DTWD2: variants seen among roughly 807,000 people sequenced by gnomAD.
The protein encoded by DTWD2 is DTW motif tRNA-uridine aminocarboxypropyltransferase 2.
Under a neutral mutation model 31.8 loss-of-function variants are expected in DTWD2, and 39 were observed. The observed-to-expected ratio is 1.22, with a 90% CI of 0.95 to 1.60. The LOEUF is 1.60. Among genes scored for constraint, DTWD2 ranks in the 40% most tolerant of loss-of-function variants. DTWD2 has a pLI of 0.00. For missense variants in DTWD2, 515 were observed against 381.5 expected (o/e 1.35, Z -2.92); for synonymous variants, 180 against 142.8 (o/e 1.26, Z -1.86).
chr5:118,984,147 G>A (rs569189972), intron 1 of DTWD2, among the ~76,000 whole-genome samples: 28 of 152,328 alleles, frequency 1.8e-4, no homozygotes, highest in African/African-American at 6.3e-4. Context: ...TTAGTGAGGC[G>A]TGGTGGTGAT....
intron 2 of DTWD2, among the ~76,000 whole-genome samples, chr5:118,941,356 G>A (rs999263051): frequency 6.6e-6 from 1 of 152,116 alleles, no homozygotes; most frequent in African/African-American, 2.4e-5. Context: ...GCCCCGGTGT[G>A]TGATGTTCCC....
intron 4 of DTWD2, among the ~76,000 whole-genome samples, chr5:118,891,965 G>C (rs1752986064): frequency 6.6e-6 from 1 of 152,086 alleles, no homozygotes; most frequent in African/African-American, 2.4e-5. Flanking sequence ...AGTTATATGT[G>C]TAATGTTAAA....
chr5:118,869,048 CA>C (rs989503457), intron 4 of DTWD2, among the ~76,000 whole-genome samples: 2 of 148,516 alleles, frequency 1.3e-5, no homozygotes, highest in Non-Finnish European at 3.0e-5. Context: ...AGTTGGAGCA[CA>C]AAAAAAAGGA....
chr5:118,906,245 G>A (rs1561450081), intron 4 of DTWD2, among the ~76,000 whole-genome samples: 1 of 152,144 alleles, frequency 6.6e-6, no homozygotes, highest in Non-Finnish European at 1.5e-5. Flanking sequence ...ACTACTGGTA[G>A]GAGTGTAAAA....
chr5:118,851,297 T>A (rs1267981294), intron 4 of DTWD2, among the ~76,000 whole-genome samples: 1 of 151,962 alleles, frequency 6.6e-6, no homozygotes, highest in East Asian at 1.9e-4. Flanking sequence ...TTCTTTCTAT[T>A]TTCCTTAAAT....
At chr5:118,885,216 G>A (rs1752834484) in intron 4 of DTWD2, among the ~76,000 whole-genome samples, 1 of 151,416 alleles carries the variant, frequency 6.6e-6, no homozygotes, top group Non-Finnish European at 1.5e-5. Flanking sequence ...CATTTTGGGA[G>A]GCCCAGGTGG....
chr5:118,941,859 A>T (rs919295599), intron 2 of DTWD2, among the ~76,000 whole-genome samples: 2 of 152,122 alleles, frequency 1.3e-5, no homozygotes, highest in Admixed American at 6.5e-5. Flanking sequence ...TGACTTTTTA[A>T]TGATCGCCAT....
chr5:118,945,193 G>C (rs1335518747), intron 1 of DTWD2, among the ~76,000 whole-genome samples: 3 of 152,176 alleles, frequency 2.0e-5, no homozygotes, highest in African/African-American at 7.2e-5. Flanking sequence ...TACTAGAAGA[G>C]TATTTGCCTT....
chr5:118,881,075 T>C (rs1752729458), intron 4 of DTWD2, among the ~76,000 whole-genome samples: 1 of 152,216 alleles, frequency 6.6e-6, no homozygotes, highest in Admixed American at 6.5e-5. Flanking sequence ...CATTCTAACA[T>C]ACATCTATTT....
chr5:118,986,230 T>G (rs900738322), intron 1 of DTWD2, among the ~76,000 whole-genome samples: 14 of 152,060 alleles, frequency 9.2e-5, no homozygotes, highest in African/African-American at 3.4e-4. Flanking sequence ...GAATGGGGGA[T>G]AGGAAAGGTA....
chr5:118,854,786 T>C (rs1299241348), intron 4 of DTWD2, among the ~76,000 whole-genome samples: 1 of 152,208 alleles, frequency 6.6e-6, no homozygotes, highest in African/African-American at 2.4e-5. Flanking sequence ...ACATCATTCA[T>C]ATGTTTCTAA....
chr5:118,844,030 G>C (rs1751788256), intron 5 of DTWD2, among the ~76,000 whole-genome samples: 1 of 152,236 alleles, frequency 6.6e-6, no homozygotes, highest in African/African-American at 2.4e-5. Flanking sequence ...GAATTATCTA[G>C]ATAGTTCCTC....
chr5:118,877,281 G>A (rs558367304), intron 4 of DTWD2, among the ~76,000 whole-genome samples: 2 of 152,146 alleles, frequency 1.3e-5, no homozygotes, highest in East Asian at 3.9e-4. Context: ...GACCATCCTG[G>A]CTAACATGGT....
At chr5:118,843,587 C>T (rs1751777680) in intron 5 of DTWD2, among the ~76,000 whole-genome samples, 1 of 152,078 alleles carries the variant, frequency 6.6e-6, no homozygotes. Context: ...GGAAACATAC[C>T]TAGGATGACA....
At chr5:118,879,373 G>A (rs1752689872) in intron 4 of DTWD2, among the ~76,000 whole-genome samples, 2 of 152,128 alleles carry the variant, frequency 1.3e-5, no homozygotes, top group South Asian at 4.2e-4. Context: ...TTGGGAGGCT[G>A]ATATTGGGCC....
At chr5:118,902,763 T>C (rs115659778) in intron 4 of DTWD2, among the ~76,000 whole-genome samples, 3,494 of 152,206 alleles carry the variant, frequency 0.023, 57 homozygotes, top group Non-Finnish European at 0.035. Flanking sequence ...TTTTGAGATA[T>C]CTTCTACCAT....
chr5:118,988,274 G>A lies in DTWD2; in HGVS notation c.218+20C>T, dbSNP rs985810261. ...AAGGCCGCTGCCGGCTGCAGTCCCCGCCCCCAGCCCCGCGGTCACCTGCAG... is the reference window on the plus strand; with the variant it reads ...AAGGCCGCTGCCGGCTGCAGTCCCCACCCCCAGCCCCGCGGTCACCTGCAG... On this transcript the variant is annotated intron_variant, in intron 1 of 5. Coordinates refer to ENST00000510708, the MANE Select transcript of DTWD2 (RefSeq NM_173666.4). 2.0e-6 allele frequency: 3 copies of A among 1,525,466 alleles called. No individual in the cohort carries two copies. Among genetic ancestry groups the A allele is most frequent in the African/African-American group, 1.4e-5 (1 of 72,286 alleles). The allele number at this position is 1,525,466 out of a possible 1,614,324, so 94.5% of individuals were successfully genotyped here. A position where few individuals can be genotyped will look rare whatever the true frequency, so the allele number is the denominator to read the frequency against.
chr5:118,863,525 G>C (rs976583733), intron 4 of DTWD2, among the ~76,000 whole-genome samples: 5 of 152,266 alleles, frequency 3.3e-5, no homozygotes, highest in African/African-American at 9.6e-5. Flanking sequence ...GTCCTTAAAA[G>C]CAGATACAGT....
chr5:118,968,733 T>C (rs1754911871), intron 1 of DTWD2, among the ~76,000 whole-genome samples: 1 of 152,220 alleles, frequency 6.6e-6, no homozygotes, highest in Non-Finnish European at 1.5e-5. Flanking sequence ...CCAGGAATTT[T>C]GCATACTCTG....
Sources: gnomAD v4.1 joint callset for allele counts (sites outside exome capture counted in the v4.1 genomes callset) on GRCh38, gnomAD v4.1.1 for gene constraint, MANE v1.5 for transcripts, NCBI Gene and HGNC (gene_info 2026-07-23, HGNC 2026-07-21) for gene names.